Variants in PDE10A observed in about 807,000 individuals in gnomAD.
PDE10A encodes the protein phosphodiesterase 10A, also known as cAMP and cAMP-inhibited cGMP 3',5'-cyclic phosphodiesterase 10A.
PDE10A carries 39 observed loss-of-function variants against 97.7 expected under a neutral mutation model. The observed-to-expected ratio is 0.40, with a 90% CI of 0.31 to 0.52. The LOEUF is 0.52. Ranked by LOEUF, PDE10A falls within the 20% of genes least tolerant of loss-of-function variation. The pLI is 0.56. For synonymous variants in PDE10A, 371 were observed against 376.8 expected (o/e 0.98, Z 0.18); for missense variants, 731 against 1,047.8 (o/e 0.70, Z 4.17).
intron 2 of PDE10A, among the ~76,000 whole-genome samples, chr6:165,492,319 A>C (rs1365972054): frequency 6.6e-6 from 1 of 152,174 alleles, no homozygotes; most frequent in Non-Finnish European, 1.5e-5. Context: ...ACTATTCCAC[A>C]AGATAGAGAA....
intron 3 of PDE10A, among the ~76,000 whole-genome samples, chr6:165,459,853 T>C (rs1378173559): frequency 6.6e-6 from 1 of 151,966 alleles, no homozygotes; most frequent in Non-Finnish European, 1.5e-5. Flanking sequence ...GTGGGAAGCA[T>C]GCTCATACTA....
At chr6:165,822,231 G>C (rs6913359) in intron 1 of PDE10A, among the ~76,000 whole-genome samples, 6,774 of 151,504 alleles carry the variant, frequency 0.045, 459 homozygotes, top group African/African-American at 0.15. Flanking sequence ...ACCTGGGCTG[G>C]ATGGCACAGC....
intron 2 of PDE10A, among the ~76,000 whole-genome samples, chr6:165,499,430 A>G (rs1415963259): frequency 6.6e-6 from 1 of 152,256 alleles, no homozygotes; most frequent in East Asian, 1.9e-4. Flanking sequence ...TAACTAATAA[A>G]GACTAGGAAT....
intron 1 of PDE10A, among the ~76,000 whole-genome samples, chr6:165,876,824 A>C (rs747357175): frequency 6.6e-6 from 1 of 152,174 alleles, no homozygotes; most frequent in Non-Finnish European, 1.5e-5. Context: ...GCCATTCAGA[A>C]ATCACAGTTT....
chr6:165,684,180 C>T (rs1384384747), intron 1 of PDE10A, among the ~76,000 whole-genome samples: 1 of 152,160 alleles, frequency 6.6e-6, no homozygotes, highest in South Asian at 2.1e-4. Context: ...CAGCACCTGG[C>T]GTGCTCTATG....
chr6:165,582,001 T>C (rs16898017), intron 1 of PDE10A, among the ~76,000 whole-genome samples: 1 of 152,122 alleles, frequency 6.6e-6, no homozygotes. Flanking sequence ...GTAACTATTT[T>C]TGAACACTAA....
intron 1 of PDE10A, among the ~76,000 whole-genome samples, chr6:165,613,825 AAC>A (rs1787605880): frequency 1.3e-5 from 2 of 152,244 alleles, no homozygotes; most frequent in African/African-American, 4.8e-5. Context: ...CTCCAACATT[AAC>A]TGCTAATACC....
intron 5 of PDE10A, among the ~76,000 whole-genome samples, chr6:165,440,136 C>T (rs1790328853): frequency 6.6e-6 from 1 of 152,140 alleles, no homozygotes; most frequent in African/African-American, 2.4e-5. Flanking sequence ...AACAAATTTA[C>T]ATCTATGTAG....
intron 1 of PDE10A, among the ~76,000 whole-genome samples, chr6:165,982,890 AC>A (rs1482149085): frequency 1.3e-5 from 2 of 152,224 alleles, no homozygotes; most frequent in Admixed American, 1.3e-4. Context: ...ACAAAACAAA[AC>A]AAAAATTGTC....
At chr6:165,982,604 A>G (rs921800828) in intron 1 of PDE10A, among the ~76,000 whole-genome samples, 1 of 152,244 alleles carries the variant, frequency 6.6e-6, no homozygotes, top group Non-Finnish European at 1.5e-5. Context: ...TCTTCGGTGT[A>G]TAGTAACTAA....
intron 1 of PDE10A, among the ~76,000 whole-genome samples, chr6:165,708,085 A>G (rs770259376): frequency 1.3e-5 from 2 of 152,166 alleles, no homozygotes; most frequent in Non-Finnish European, 2.9e-5. Context: ...TTAAAACAGA[A>G]CTTTCTGGAA....
intron 1 of PDE10A, among the ~76,000 whole-genome samples, chr6:165,903,954 G>A (rs908260091): frequency 6.6e-6 from 1 of 152,162 alleles, no homozygotes; most frequent in African/African-American, 2.4e-5. Flanking sequence ...ACCATAACAA[G>A]GTTAGTTTCA....
At chr6:165,383,797 T>C (rs150095413) in intron 17 of PDE10A, among the ~76,000 whole-genome samples, 165 of 152,250 alleles carry the variant, frequency 1.1e-3, no homozygotes, top group Non-Finnish European at 1.9e-3. Flanking sequence ...AAGATGTATG[T>C]ATGCTTGAGG....
intron 1 of PDE10A, among the ~76,000 whole-genome samples, chr6:165,761,026 T>G (rs1793237465): frequency 6.6e-6 from 1 of 152,188 alleles, no homozygotes; most frequent in African/African-American, 2.4e-5. Flanking sequence ...GGGCGGAGCC[T>G]TGCGAAGTTC....
At chr6:165,928,482 G>T (rs1783016898) in intron 1 of PDE10A, among the ~76,000 whole-genome samples, 1 of 152,170 alleles carries the variant, frequency 6.6e-6, no homozygotes, top group Non-Finnish European at 1.5e-5. Flanking sequence ...CCAGGCATGG[G>T]GTGTGAGCTG....
intron 1 of PDE10A, among the ~76,000 whole-genome samples, chr6:165,739,807 G>T (rs1792674342): frequency 6.6e-6 from 1 of 152,072 alleles, no homozygotes; most frequent in Non-Finnish European, 1.5e-5. Context: ...AATAGGCAAA[G>T]AATCTGAATA....
chr6:165,775,926 C>T (rs1778167852), intron 1 of PDE10A: 1 of 152,116 alleles, frequency 6.6e-6, no homozygotes, highest in Admixed American at 6.5e-5. Context: ...CTTCCAGAAA[C>T]GGATTGTTTC....
chr6:165,858,205 G>T (rs1562770643), intron 1 of PDE10A, among the ~76,000 whole-genome samples: 1 of 152,048 alleles, frequency 6.6e-6, no homozygotes, highest in Admixed American at 6.5e-5. Flanking sequence ...TTTTAGGGGG[G>T]AGTTATAAAC....
chr6:165,343,535 A>C, intron 18 of PDE10A, 33 bp from the exon 19 acceptor site: 1 of 1,442,408 alleles, frequency 6.9e-7, no homozygotes, highest in African/African-American at 1.4e-5. Context: ...TGGTCAGCAT[A>C]GCATTTGCAC....
Sources: allele counts gnomAD v4.1 joint callset (sites outside exome capture counted in the v4.1 genomes callset), GRCh38; gene constraint gnomAD v4.1.1; transcripts MANE v1.5; gene names NCBI Gene and HGNC (gene_info 2026-07-23, HGNC 2026-07-21).